Variants in COG5 observed in about 807,000 individuals in gnomAD.
COG5 encodes conserved oligomeric Golgi complex subunit 5.
In COG5, 86 loss-of-function variants were observed where a neutral mutation model predicts 110.4. That is an observed-to-expected ratio of 0.78 (90% CI 0.65 to 0.93). The LOEUF is 0.93. COG5 is among the 40% of genes least tolerant of loss of function. The pLI, the probability that COG5 is intolerant of heterozygous loss-of-function variation, is 0.00. For synonymous variants in COG5, 360 were observed against 334.6 expected, an observed-to-expected ratio of 1.08 and a Z score of -0.83; for missense variants, 1,077 against 987.0, an observed-to-expected ratio of 1.09 and a Z score of -1.22.
chr7:107,558,142 G>A (rs375287156), intron 1 of COG5, 27 bp from the exon 2 acceptor site: 3 of 1,608,898 alleles, frequency 1.9e-6, no homozygotes, highest in Non-Finnish European at 2.5e-6. Context: ...ATAAGGAAAA[G>A]TCCTTAATTA....
At chr7:107,223,543 T>C (rs1464381633) in intron 19 of COG5, among the ~76,000 whole-genome samples, 4 of 152,210 alleles carry the variant, frequency 2.6e-5, no homozygotes, top group Non-Finnish European at 4.4e-5. Flanking sequence ...CCTTGTGTAC[T>C]GTCTGGGAGC....
intron 7 of COG5, among the ~76,000 whole-genome samples, chr7:107,399,141 G>T (rs1318812056): frequency 6.6e-6 from 1 of 152,144 alleles, no homozygotes; most frequent in Non-Finnish European, 1.5e-5. Flanking sequence ...GATGGAGGTT[G>T]CAGTGAGTCG....
At chr7:107,467,414 C>T (rs1796358196) in intron 6 of COG5, among the ~76,000 whole-genome samples, 1 of 151,986 alleles carries the variant, frequency 6.6e-6, no homozygotes, top group East Asian at 1.9e-4. Context: ...GGAGGGGTAG[C>T]GGTGCAATCG....
rs11976666 is a variant in COG5, at chr7:107,525,307, T to C, written c.538+1930A>G. On this transcript the variant is annotated intron_variant, in intron 6 of 21. Transcript: ENST00000297135. ...TCAATTATAGAAGAAATTATAATCATAATCCAATCAAAATTTAGCACTTTT... is the reference window on the plus strand; with the variant it reads ...TCAATTATAGAAGAAATTATAATCACAATCCAATCAAAATTTAGCACTTTT... Among the ~76,000 whole-genome samples, 877 of 152,148 alleles carry C rather than the reference T, an allele frequency of 5.8e-3. 5 individuals are homozygous for C. Among genetic ancestry groups the C allele is most frequent in the Middle Eastern group, 0.027 (8 of 292 alleles).
In COG5 at chr7:107,201,497, G is replaced by T. The variant is rs1202598329; in HGVS notation, c.*2019C>A. The T allele has an allele frequency of 1.4e-5, 14 of 982,220 alleles. No individual in the cohort carries two copies. The highest frequency in any genetic ancestry group is 2.3e-5 in the Non-Finnish European group (14 of 616,734). 60.8% of individuals were successfully genotyped at this position (982,220 alleles called of 1,614,324 possible). A position where few individuals can be genotyped will look rare whatever the true frequency, so the allele number is the denominator to read the frequency against. ...ATTGACTCTTGATGGAAAGACTTAA[G>T]AAGATCAAGGTCTCACCATTTGTCC... On this transcript the variant is annotated 3_prime_UTR_variant, in exon 22 of 22. Coordinates refer to ENST00000297135, the MANE Select transcript of COG5 (RefSeq NM_006348.5).
At chr7:107,424,880 G>C (rs530563557) in intron 6 of COG5, among the ~76,000 whole-genome samples, 5 of 152,080 alleles carry the variant, frequency 3.3e-5, no homozygotes, top group African/African-American at 1.2e-4. Flanking sequence ...GCTTCACTCA[G>C]GTCCAAGCAC....
chr7:107,537,651 G>A (rs973993375), intron 5 of COG5, among the ~76,000 whole-genome samples: 1 of 151,834 alleles, frequency 6.6e-6, no homozygotes, highest in Non-Finnish European at 1.5e-5. Flanking sequence ...ATGGGTTGAT[G>A]GGTGCAGCAA....
chr7:107,467,534 T>C (rs766747395), intron 6 of COG5, among the ~76,000 whole-genome samples: 3 of 152,098 alleles, frequency 2.0e-5, no homozygotes, highest in Non-Finnish European at 4.4e-5. Context: ...GTATTTTTTG[T>C]AGAGACAGGG....
intron 6 of COG5, among the ~76,000 whole-genome samples, chr7:107,491,732 C>T (rs1030730655): frequency 1.3e-5 from 2 of 150,826 alleles, no homozygotes; most frequent in Non-Finnish European, 3.0e-5. Flanking sequence ...CCTCACAATA[C>T]AATGTGAAAC....
intron 6 of COG5, among the ~76,000 whole-genome samples, chr7:107,492,865 C>T: frequency 6.6e-6 from 1 of 152,124 alleles, no homozygotes; most frequent in East Asian, 1.9e-4. Context: ...CTCTGGGGGA[C>T]CATTATTCTG....
intron 6 of COG5, among the ~76,000 whole-genome samples, chr7:107,450,557 C>T (rs751722254): frequency 6.6e-6 from 1 of 152,054 alleles, no homozygotes; most frequent in Non-Finnish European, 1.5e-5. Flanking sequence ...GACAAAAGTA[C>T]CCTATTCTGG....
chr7:107,428,266 T>C (rs1009006107), intron 6 of COG5, among the ~76,000 whole-genome samples: 3 of 152,098 alleles, frequency 2.0e-5, no homozygotes, highest in South Asian at 2.1e-4. Flanking sequence ...TGCTTAGGAT[T>C]TGTCTGCCTC....
At chr7:107,325,800 T>A (rs774706813) in intron 10 of COG5, among the ~76,000 whole-genome samples, 7 of 152,238 alleles carry the variant, frequency 4.6e-5, no homozygotes, top group Non-Finnish European at 7.3e-5. Flanking sequence ...GTGACTTTTA[T>A]ACCTGTGTAC....
At chr7:107,438,512 T>C (rs1247104096) in intron 6 of COG5, among the ~76,000 whole-genome samples, 1 of 152,206 alleles carries the variant, frequency 6.6e-6, no homozygotes, top group Non-Finnish European at 1.5e-5. Flanking sequence ...TGATGTGCAC[T>C]GCACACGTTA....
At chr7:107,235,964 T>G (rs1479487632) in intron 18 of COG5, among the ~76,000 whole-genome samples, 1 of 152,152 alleles carries the variant, frequency 6.6e-6, no homozygotes, top group African/African-American at 2.4e-5. Flanking sequence ...GTACTCTACC[T>G]GATAGAGAGA....
intron 10 of COG5, among the ~76,000 whole-genome samples, chr7:107,341,047 A>G (rs557664870): frequency 2.0e-5 from 3 of 152,294 alleles, no homozygotes; most frequent in African/African-American, 7.2e-5. Flanking sequence ...GGTAAGAGAA[A>G]GAAAAAATAG....
chr7:107,486,855 A>T (rs2712194), intron 6 of COG5, among the ~76,000 whole-genome samples: 65,708 of 152,008 alleles, frequency 0.43, 14,761 homozygotes, highest in Non-Finnish European at 0.5. Context: ...ATTCCCAAAG[A>T]CAGTGAGTTG....
intron 5 of COG5, among the ~76,000 whole-genome samples, chr7:107,534,949 T>A (rs1488741619): frequency 6.6e-6 from 1 of 151,372 alleles, no homozygotes; most frequent in Non-Finnish European, 1.5e-5. Flanking sequence ...TGTAAAAGAA[T>A]GGAAATCATA....
At chr7:107,481,604 A>G (rs1405370559) in intron 6 of COG5, among the ~76,000 whole-genome samples, 1 of 152,162 alleles carries the variant, frequency 6.6e-6, no homozygotes, top group Non-Finnish European at 1.5e-5. Flanking sequence ...AAGAAGAATC[A>G]AAGATATATA....
Sources: gnomAD v4.1 joint callset for allele counts (sites outside exome capture counted in the v4.1 genomes callset) on GRCh38, gnomAD v4.1.1 for gene constraint, MANE v1.5 for transcripts, NCBI Gene and HGNC (gene_info 2026-07-23, HGNC 2026-07-21) for gene names.